The following DOP1B variants were observed in gnomAD, a reference collection of about 807,000 sequenced individuals.
The protein encoded by DOP1B is DOP1 leucine zipper like protein B.
In DOP1B, 174 loss-of-function variants were observed where a neutral mutation model predicts 233.5. The observed-to-expected ratio is 0.75, with a 90% CI of 0.66 to 0.85. The LOEUF (loss-of-function observed/expected upper bound fraction) is 0.85. DOP1B is among the 40% of genes least tolerant of loss of function. The probability of loss-of-function intolerance (pLI) is 0.00; values close to 1 mark genes in which losing one functional copy is unlikely to be tolerated. For missense variants in DOP1B, 2,652 were observed against 2,846.6 expected, an observed-to-expected ratio of 0.93 and a Z score of 1.56; for synonymous variants, 1,190 against 1,185.6, an observed-to-expected ratio of 1.00 and a Z score of -0.08.
intron 2 of DOP1B, among the ~76,000 whole-genome samples, chr21:36,173,680 C>T (rs959715009): frequency 1.9e-4 from 29 of 152,240 alleles, no homozygotes; most frequent in African/African-American, 6.5e-4. Flanking sequence ...GCCTCGGCCT[C>T]CCAAAGTGCT....
chr21:36,291,006 GTA>G, intron 35 of DOP1B, among the ~76,000 whole-genome samples: 1 of 151,366 alleles, frequency 6.6e-6, no homozygotes, highest in East Asian at 1.9e-4. Flanking sequence ...GCTCATGTCT[GTA>G]ACCCCAGCAC....
intron 33 of DOP1B, 114 bp from the exon 34 acceptor site, chr21:36,288,642 C>T: frequency 1.3e-6 from 1 of 792,130 alleles, no homozygotes; most frequent in Non-Finnish European, 2.1e-6. Flanking sequence ...CAGAGTAAGA[C>T]CCCGTCTTAT....
intron 27 of DOP1B, among the ~76,000 whole-genome samples, chr21:36,274,171 TA>T (rs34440920): frequency 0.41 from 62,937 of 152,056 alleles, 13,124 homozygotes; most frequent in Middle Eastern, 0.51. Context: ...AGTCAAACTT[TA>T]AAAACCATCA....
chr21:36,259,600 G>C (rs2123632275), intron 23 of DOP1B, among the ~76,000 whole-genome samples: 1 of 152,218 alleles, frequency 6.6e-6, no homozygotes, highest in Admixed American at 6.5e-5. Flanking sequence ...ATAAATGTTA[G>C]GAGTGGGAAT....
intron 2 of DOP1B, among the ~76,000 whole-genome samples, chr21:36,184,520 G>C (rs925581793): frequency 6.6e-6 from 1 of 152,194 alleles, no homozygotes; most frequent in African/African-American, 2.4e-5. Flanking sequence ...CCACCCAGCT[G>C]CCGAGAGATG....
intron 9 of DOP1B, among the ~76,000 whole-genome samples, chr21:36,217,122 C>T (rs939991908): frequency 3.3e-5 from 5 of 151,344 alleles, no homozygotes; most frequent in Middle Eastern, 6.8e-3. Flanking sequence ...GTGAAGTGGC[C>T]TCTCTCTGGC....
intron 32 of DOP1B, among the ~76,000 whole-genome samples, chr21:36,282,546 T>A (rs2067429374): frequency 6.6e-6 from 1 of 152,230 alleles, no homozygotes; most frequent in African/African-American, 2.4e-5. Context: ...GCAGTCAAGG[T>A]ACTCGGTGTT....
At position 36,246,081 on chromosome 21, in the gene DOP1B, AG is replaced by A. The variant is rs1220724186; in HGVS notation, c.4104del (p.Lys1369ArgfsTer74). On this transcript the variant is annotated frameshift_variant, in exon 19 of 37. Coordinates refer to ENST00000691173, the MANE Select transcript of DOP1B (RefSeq NM_001320714.2). LOFTEE classifies it high-confidence loss of function. This position sits in a 1 kb window ranked among gnomAD's most constrained non-coding sequence, Gnocchi z 5.1. Reference protein sequence around the residue: ...QLVSVAKSSEGKNVEFIHSLL... With the variant: ...QLVSVAKSSEXKNVEFIHSLL... ...TGGTCTCAGTGGCCAAGTCTTCGGA[AG>A]GGAAGAACGTGGAGTTCATCCACAG... The A allele has an allele frequency of 6.2e-7, 1 of 1,614,056 alleles. No homozygotes were observed. Among genetic ancestry groups the A allele is most frequent in the African/African-American group, 1.3e-5 (1 of 75,022 alleles).
At chr21:36,229,482 T>C (rs1021008454) in intron 13 of DOP1B, among the ~76,000 whole-genome samples, 2 of 152,142 alleles carry the variant, frequency 1.3e-5, no homozygotes, top group African/African-American at 4.8e-5. Context: ...CTCCTTTTTA[T>C]AAATCCAGTC....
intron 32 of DOP1B, among the ~76,000 whole-genome samples, chr21:36,285,054 A>C (rs2067466850): frequency 6.6e-6 from 1 of 151,968 alleles, no homozygotes; most frequent in African/African-American, 2.4e-5. Context: ...GGAAAAGAGA[A>C]ATTTTTTTGT....
intron 24 of DOP1B, chr21:36,261,263 G>A (rs1255348341): frequency 6.5e-6 from 6 of 928,938 alleles, no homozygotes; most frequent in Non-Finnish European, 7.7e-6. Context: ...TACTCGGGAG[G>A]CTGAGGCAGG....
At chr21:36,189,198 G>C (rs1381997045) in intron 2 of DOP1B, among the ~76,000 whole-genome samples, 1 of 152,064 alleles carries the variant, frequency 6.6e-6, no homozygotes, top group Non-Finnish European at 1.5e-5. Flanking sequence ...TTTCTATTAA[G>C]CTTGGATGTA....
chr21:36,196,952 T>G (rs1224180921), intron 2 of DOP1B, among the ~76,000 whole-genome samples: 2 of 151,854 alleles, frequency 1.3e-5, no homozygotes, highest in Non-Finnish European at 2.9e-5. Flanking sequence ...TTTTTTTTTT[T>G]TTTGAGATGA....
chr21:36,288,710 G>T (rs915034181), intron 33 of DOP1B, 46 bp from the exon 34 acceptor site: 3 of 1,400,336 alleles, frequency 2.1e-6, no homozygotes, highest in Non-Finnish European at 3.0e-6. Context: ...TATTTGGGTA[G>T]ATTTAATCTG....
At position 36,190,058 on chromosome 21, in the gene DOP1B, C is replaced by T. The variant is rs182368821; in HGVS notation, c.139-9012C>T. Among the ~76,000 whole-genome samples the T allele has an allele frequency of 1.8e-3, 279 of 151,336 alleles. 1 individual carries two copies. The highest frequency in any genetic ancestry group is 6.5e-3 in the African/African-American group (269 of 41,210). On this transcript the variant is annotated intron_variant, in intron 2 of 36. Coordinates refer to ENST00000691173, the MANE Select transcript of DOP1B (RefSeq NM_001320714.2). ...TTCAGCTGGGCACAGTGGCTTACACCTGTAATCCCAGCACTTTGGGAGGCT... is the reference window on the plus strand; with the variant it reads ...TTCAGCTGGGCACAGTGGCTTACACTTGTAATCCCAGCACTTTGGGAGGCT...
At chr21:36,181,639 T>C (rs2066099747) in intron 2 of DOP1B, among the ~76,000 whole-genome samples, 1 of 152,150 alleles carries the variant, frequency 6.6e-6, no homozygotes, top group African/African-American at 2.4e-5. Context: ...TGCCATTCTG[T>C]CCCACAGGAA....
intron 18 of DOP1B, among the ~76,000 whole-genome samples, chr21:36,241,209 G>T (rs1173185685): frequency 6.6e-6 from 1 of 151,828 alleles, no homozygotes; most frequent in Non-Finnish European, 1.5e-5. Context: ...CAGGAGAATG[G>T]CATGAACCCA....
chr21:36,251,545 A>G (rs995749646), intron 22 of DOP1B, among the ~76,000 whole-genome samples: 1 of 152,066 alleles, frequency 6.6e-6, no homozygotes, highest in South Asian at 2.1e-4. Context: ...TCAGCCTCCC[A>G]TGTAACTGGA....
At chr21:36,232,540 C>A (rs929706064) in intron 14 of DOP1B, among the ~76,000 whole-genome samples, 8 of 152,294 alleles carry the variant, frequency 5.3e-5, no homozygotes, top group African/African-American at 1.7e-4. Context: ...CTCTGTATGT[C>A]CTGTCTTCCC....
Sources: allele counts gnomAD v4.1 joint callset (sites outside exome capture counted in the v4.1 genomes callset), GRCh38; gene constraint gnomAD v4.1.1; non-coding constraint Gnocchi (gnomAD v3.1); transcripts MANE v1.5; gene names NCBI Gene and HGNC (gene_info 2026-07-23, HGNC 2026-07-21).